Variants in CMIP observed in about 807,000 individuals in gnomAD.
The protein encoded by CMIP is C-Maf-inducing protein.
In CMIP, 13 loss-of-function variants were observed where a neutral mutation model predicts 97.3. That is an observed-to-expected ratio of 0.13 (90% confidence interval 0.09 to 0.21). The LOEUF is 0.21. CMIP is among the 10% of genes least tolerant of loss of function. CMIP has a pLI of 1.00. For synonymous variants in CMIP, 538 were observed against 436.3 expected (o/e 1.23, Z -2.91); for missense variants, 847 against 1,024.9 (o/e 0.83, Z 2.37).
chr16:81,660,968 G>A (rs570993196), intron 6 of CMIP, 22 bp downstream of exon 6: 1 of 1,613,830 alleles, frequency 6.2e-7, no homozygotes, highest in African/African-American at 1.3e-5. Flanking sequence ...CTGAGCTGGG[G>A]CTGTGGCTGC....
chr16:81,592,691 G>A (rs2091484561), intron 1 of CMIP, among the ~76,000 whole-genome samples: 2 of 152,212 alleles, frequency 1.3e-5, no homozygotes, highest in African/African-American at 4.8e-5. Flanking sequence ...GGCTGTGACC[G>A]AGGCCCACTG....
At chr16:81,610,367 A>C (rs976582469) in intron 2 of CMIP, 9 of 985,424 alleles carry the variant, frequency 9.1e-6, no homozygotes, top group African/African-American at 1.7e-5. Flanking sequence ...CCACTTGCTC[A>C]CTGCCCCCTG....
At chr16:81,626,153 C>G (rs576936059) in intron 3 of CMIP, among the ~76,000 whole-genome samples, 24 of 152,370 alleles carry the variant, frequency 1.6e-4, no homozygotes, top group African/African-American at 5.5e-4. Context: ...GCCTCTGTCC[C>G]TCCTCTGTGG....
At chr16:81,545,400 T>C (rs943511969) in intron 1 of CMIP, among the ~76,000 whole-genome samples, 1 of 152,234 alleles carries the variant, frequency 6.6e-6, no homozygotes, top group African/African-American at 2.4e-5. Context: ...GGTTCTGTAC[T>C]AAGATGATGC....
chr16:81,490,568 C>T (rs976857449), intron 1 of CMIP, among the ~76,000 whole-genome samples: 11 of 152,098 alleles, frequency 7.2e-5, no homozygotes, highest in African/African-American at 1.2e-4. Context: ...TGCAGTGAGC[C>T]GGGATTACGC....
chr16:81,531,334 G>T (rs1424175313), intron 1 of CMIP, among the ~76,000 whole-genome samples: 1 of 152,182 alleles, frequency 6.6e-6, no homozygotes, highest in East Asian at 1.9e-4. Context: ...TCCTGCCTCA[G>T]AGCCTCCGGA....
At chr16:81,645,769 T>C in intron 3 of CMIP, 1 of 686,588 alleles carries the variant, frequency 1.5e-6, no homozygotes, top group Non-Finnish European at 2.5e-6. Context: ...GGACTACTCC[T>C]TTACAGAACT....
intron 1 of CMIP, among the ~76,000 whole-genome samples, chr16:81,592,604 C>G (rs1014479461): frequency 6.6e-6 from 1 of 152,216 alleles, no homozygotes; most frequent in Non-Finnish European, 1.5e-5. Flanking sequence ...TCCTGGGGCT[C>G]CCAGGCCAGT....
chr16:81,679,362 C>T (rs1479049107), intron 10 of CMIP, among the ~76,000 whole-genome samples: 1 of 151,864 alleles, frequency 6.6e-6, no homozygotes, highest in Admixed American at 6.6e-5. Flanking sequence ...TGGGTGTAAC[C>T]ATTTGTGCTG....
Position 81,495,347 on chromosome 16 carries a change from C to T in CMIP, c.300+49806C>T, listed in dbSNP as rs1348043018. The T allele has an allele frequency of 6.1e-6, 9 of 1,478,418 alleles. No homozygotes were observed. In the Admixed American group the frequency reaches 1.2e-4, roughly 19 times the overall value. The allele number at this position is 1,478,418 out of a possible 1,614,324, so 91.6% of individuals were successfully genotyped here. ...TGATAAGCAGGAGCCAGGCGACCCA[C>T]AGGCTTCTTGGATGGGCTGGGCGTG... On this transcript the variant is annotated intron_variant, in intron 1 of 20. Coordinates refer to ENST00000537098, the MANE Select transcript of CMIP (RefSeq NM_198390.3).
intron 1 of CMIP, among the ~76,000 whole-genome samples, chr16:81,527,460 T>C (rs1019249727): frequency 6.6e-6 from 1 of 152,230 alleles, no homozygotes; most frequent in African/African-American, 2.4e-5. Context: ...TTTCTTTTTA[T>C]TGAAGTATTA....
At chr16:81,491,754 G>A (rs751632583) in intron 1 of CMIP, among the ~76,000 whole-genome samples, 12 of 152,192 alleles carry the variant, frequency 7.9e-5, no homozygotes, top group Admixed American at 3.3e-4. Flanking sequence ...GGAGCTGGAT[G>A]GATTTGGCTA....
At chr16:81,695,757 A>G (rs1395988359) in intron 13 of CMIP, 1 of 152,580 alleles carries the variant, frequency 6.6e-6, no homozygotes, top group Admixed American at 6.5e-5. Context: ...AGGCCCATCC[A>G]CACAGACACA....
At chr16:81,546,462 G>C (rs1354520823) in intron 1 of CMIP, among the ~76,000 whole-genome samples, 1 of 152,176 alleles carries the variant, frequency 6.6e-6, no homozygotes, top group African/African-American at 2.4e-5. Context: ...TTTTCCTGAG[G>C]CTTGGTGGGG....
intron 1 of CMIP, among the ~76,000 whole-genome samples, chr16:81,466,917 G>A (rs1012765307): frequency 6.6e-6 from 1 of 152,204 alleles, no homozygotes; most frequent in Non-Finnish European, 1.5e-5. Flanking sequence ...GAGTTATGTG[G>A]CAGGGCTAGA....
intron 3 of CMIP, among the ~76,000 whole-genome samples, chr16:81,636,959 G>T (rs551570519): frequency 2.6e-5 from 4 of 151,972 alleles, no homozygotes; most frequent in South Asian, 4.1e-4. Flanking sequence ...TGGAATCCAC[G>T]GCAGATCTTG....
At chr16:81,631,173 A>G (rs994320724) in intron 3 of CMIP, 1 of 152,276 alleles carries the variant, frequency 6.6e-6, no homozygotes, top group Admixed American at 6.5e-5. Context: ...AGAGAAAAAC[A>G]ATTACTAGGC....
At chr16:81,675,078 T>A (rs957417982) in intron 9 of CMIP, among the ~76,000 whole-genome samples, 3 of 152,122 alleles carry the variant, frequency 2.0e-5, no homozygotes, top group Non-Finnish European at 1.5e-5. Flanking sequence ...GGAGGTGATA[T>A]TTACGTTAAT....
At chr16:81,537,505 A>G (rs910967860) in intron 1 of CMIP, among the ~76,000 whole-genome samples, 1 of 138,080 alleles carries the variant, frequency 7.2e-6, no homozygotes, top group Non-Finnish European at 1.5e-5. Flanking sequence ...ACCGTACTCC[A>G]GCTTGGGTGA....
Sources: allele counts gnomAD v4.1 joint callset (sites outside exome capture counted in the v4.1 genomes callset), GRCh38; gene constraint gnomAD v4.1.1; transcripts MANE v1.5; gene names NCBI Gene and HGNC (gene_info 2026-07-23, HGNC 2026-07-21).